Variants in SGCZ observed in about 807,000 individuals in gnomAD.
SGCZ encodes the protein zeta-sarcoglycan.
Under a neutral mutation model 41.3 loss-of-function variants are expected in SGCZ, and 40 were observed. The observed-to-expected ratio is 0.97, with a 90% CI of 0.75 to 1.26. SGCZ has a LOEUF of 1.26. Ranked by LOEUF, SGCZ falls within the 50% of genes most tolerant of loss-of-function variation. The pLI, the probability that SGCZ is intolerant of heterozygous loss-of-function variation, is 0.00. For synonymous variants in SGCZ, 206 were observed against 137.5 expected, an observed-to-expected ratio of 1.50 and a Z score of -3.49; for missense variants, 552 against 369.8, an observed-to-expected ratio of 1.49 and a Z score of -4.04.
At chr8:14,503,928 T>G (rs1214126617) in intron 2 of SGCZ, among the ~76,000 whole-genome samples, 2 of 152,182 alleles carry the variant, frequency 1.3e-5, no homozygotes, top group Non-Finnish European at 2.9e-5. Flanking sequence ...AATTGTGCAG[T>G]TGAAAATGAA....
intron 4 of SGCZ, among the ~76,000 whole-genome samples, chr8:14,188,669 TA>T: frequency 6.6e-6 from 1 of 152,288 alleles, no homozygotes; most frequent in Non-Finnish European, 1.5e-5. Context: ...ATTGTACATT[TA>T]AATGGATGAA....
chr8:15,128,523 A>G (rs1807786709), intron 1 of SGCZ, among the ~76,000 whole-genome samples: 1 of 151,362 alleles, frequency 6.6e-6, no homozygotes, highest in Admixed American at 6.6e-5. Context: ...GTCCCTCCAG[A>G]CTCTCCATTT....
intron 1 of SGCZ, among the ~76,000 whole-genome samples, chr8:14,703,478 A>G (rs1281594065): frequency 1.3e-5 from 2 of 151,462 alleles, no homozygotes; most frequent in African/African-American, 4.8e-5. Flanking sequence ...CACTGTCAAC[A>G]CTCTCCAACT....
intron 2 of SGCZ, among the ~76,000 whole-genome samples, chr8:14,481,121 A>AAATAATGG (rs1317622998): frequency 3.9e-5 from 6 of 152,326 alleles, no homozygotes; most frequent in Non-Finnish European, 5.9e-5. Context: ...TAATACAAAT[A>AAATAATGG]ACCCAATTAA....
chr8:15,207,815 G>A (rs1270902696), intron 1 of SGCZ, among the ~76,000 whole-genome samples: 2 of 152,236 alleles, frequency 1.3e-5, no homozygotes, highest in South Asian at 2.1e-4. Flanking sequence ...AGGACATTCT[G>A]AAATAATCTG....
intron 1 of SGCZ, among the ~76,000 whole-genome samples, chr8:14,945,466 T>C (rs1047620468): frequency 1.2e-4 from 18 of 152,090 alleles, no homozygotes; most frequent in African/African-American, 4.3e-4. Flanking sequence ...CATGAAGAGT[T>C]GGTCAAATTT....
chr8:15,067,127 A>C (rs1435494866), intron 1 of SGCZ, among the ~76,000 whole-genome samples: 1 of 152,188 alleles, frequency 6.6e-6, no homozygotes, highest in Non-Finnish European at 1.5e-5. Flanking sequence ...AACTGAAATT[A>C]TATCTGTTTA....
rs575531988 is a variant in SGCZ, at chr8:14,248,555, T to G, written c.337-10876A>C. Among the ~76,000 whole-genome samples the G allele has an allele frequency of 1.2e-4, 19 of 152,256 alleles. No homozygotes were observed. In the South Asian group the frequency reaches 3.9e-3, roughly 32 times the overall value. ...TAAAAAGAATAAGAAGACTCTGTAT[T>G]CTAAACTTTTTAAAGGACATCATAT... is the stretch of plus-strand genomic sequence containing the variant. On this transcript the variant is annotated intron_variant, in intron 3 of 7. Coordinates refer to ENST00000382080, the MANE Select transcript of SGCZ (RefSeq NM_139167.4).
In SGCZ at chr8:14,579,103, C is replaced by A. The variant is rs140899120; in HGVS notation, c.40-24177G>T. Among the ~76,000 whole-genome samples, 89 of 152,150 alleles carry A rather than the reference C, an allele frequency of 5.8e-4. 2 individuals carry two copies. The East Asian group carries it at 0.015, about 26-fold the overall frequency. ...TGTTTAAATAATTAATTTTGGGTTT[C>A]TTTCCCAGCAACAGAAAGAGAAAAT... On this transcript the variant is annotated intron_variant, in intron 1 of 7. Transcript: ENST00000382080.
At position 15,007,263 on chromosome 8, in the gene SGCZ, T is replaced by C. The variant is rs568017157; in HGVS notation, c.39+230322A>G. 2.6e-5 allele frequency among the ~76,000 whole-genome samples: 4 copies of C among 152,350 alleles called. No homozygotes were observed. In the East Asian group the frequency reaches 7.7e-4, roughly 29 times the overall value. On this transcript the variant is annotated intron_variant, in intron 1 of 7. Transcript: ENST00000382080. ...TAGATATTAATTTTCACCACCTTAC[T>C]ATGACAGATTTTGATACTATGTTAC... is the stretch of plus-strand genomic sequence containing the variant.
chr8:15,095,328 A>C (rs1277538819), intron 1 of SGCZ, among the ~76,000 whole-genome samples: 1 of 152,006 alleles, frequency 6.6e-6, no homozygotes, highest in Non-Finnish European at 1.5e-5. Flanking sequence ...CAAATTCCTG[A>C]CCTCAAGTGA....
intron 7 of SGCZ, 40 bp from the exon 8 acceptor site, chr8:14,090,677 A>G: frequency 6.4e-7 from 1 of 1,569,112 alleles, no homozygotes; most frequent in South Asian, 1.2e-5. Context: ...TCATTTTAGA[A>G]ATGTAGCATC....
intron 2 of SGCZ, among the ~76,000 whole-genome samples, chr8:14,366,401 C>T (rs1014353866): frequency 1.3e-5 from 2 of 152,146 alleles, no homozygotes; most frequent in Non-Finnish European, 2.9e-5. Flanking sequence ...CACTCCCTAT[C>T]ATGAGAACAG....
In SGCZ at chr8:14,869,466, AC is replaced by A. The variant is rs1804063204; in HGVS notation, c.40-314541del. Reference sequence around the variant, plus strand: ...AAATAATAAGAGCTATTTATGACAAACCCACAGCCAATATCATACTGAATGG... The same window carrying A: ...AAATAATAAGAGCTATTTATGACAAACCACAGCCAATATCATACTGAATGG... On this transcript the variant is annotated intron_variant, in intron 1 of 7. Transcript: ENST00000382080. Among the ~76,000 whole-genome samples the A allele has an allele frequency of 2.0e-5, 3 of 152,280 alleles. No homozygotes were observed. The South Asian group carries it at 6.2e-4, about 32-fold the overall frequency.
At chr8:14,565,248 C>G (rs567537521) in intron 1 of SGCZ, among the ~76,000 whole-genome samples, 1 of 151,936 alleles carries the variant, frequency 6.6e-6, no homozygotes, top group East Asian at 1.9e-4. Flanking sequence ...CTCATACATC[C>G]TAAAATTAGA....
intron 1 of SGCZ, among the ~76,000 whole-genome samples, chr8:14,643,473 A>T (rs1807093182): frequency 6.6e-6 from 1 of 151,582 alleles, no homozygotes; most frequent in Non-Finnish European, 1.5e-5. Flanking sequence ...GTAGAGTTTT[A>T]TAAACATAAA....
rs900447007 is a variant in SGCZ, at chr8:14,580,334, G to C, written c.40-25408C>G. On this transcript the variant is annotated intron_variant, in intron 1 of 7. Coordinates refer to ENST00000382080, the MANE Select transcript of SGCZ (RefSeq NM_139167.4). The stretch of plus-strand genomic sequence containing the variant: ...TTCTACTCTGATTTTTCAGTTATCT[G>C]GGTAAGTTTCAAGAAACCATTTTTG... Among the ~76,000 whole-genome samples the C allele has an allele frequency of 3.9e-5, 6 of 152,086 alleles. No individual in the cohort carries two copies. The East Asian group carries it at 1.2e-3, about 29-fold the overall frequency.
chr8:15,209,378 C>G (rs994211846), intron 1 of SGCZ, among the ~76,000 whole-genome samples: 1 of 144,372 alleles, frequency 6.9e-6, no homozygotes, highest in Non-Finnish European at 1.5e-5. Context: ...ATCAAAAAGA[C>G]CCATGCTCAA....
chr8:14,937,195 T>C (rs1245733559), intron 1 of SGCZ, among the ~76,000 whole-genome samples: 2 of 151,894 alleles, frequency 1.3e-5, no homozygotes, highest in South Asian at 2.1e-4. Flanking sequence ...ATATTAAAAT[T>C]AAAGCTAGAT....
Sources: gnomAD v4.1 joint callset for allele counts (sites outside exome capture counted in the v4.1 genomes callset) on GRCh38, gnomAD v4.1.1 for gene constraint, MANE v1.5 for transcripts, NCBI Gene and HGNC (gene_info 2026-07-23, HGNC 2026-07-21) for gene names.